The following NIBAN1 variants were observed in gnomAD, a reference collection of about 807,000 sequenced individuals.
NIBAN1 encodes the protein protein Niban 1.
Under a neutral mutation model 75.1 loss-of-function variants are expected in NIBAN1, and 81 were observed. The observed-to-expected ratio is 1.08, with a 90% CI of 0.90 to 1.30. NIBAN1 has a LOEUF of 1.30. Ranked by LOEUF, NIBAN1 falls within the 50% of genes most tolerant of loss-of-function variation. The pLI, the probability that NIBAN1 is intolerant of heterozygous loss-of-function variation, is 0.00. For synonymous variants in NIBAN1, 436 were observed against 424.8 expected (o/e 1.03, Z -0.32); for missense variants, 1,133 against 1,128.1 (o/e 1.00, Z -0.06).
At chr1:184,821,147 CTTT>C (rs1384036506) in intron 8 of NIBAN1, among the ~76,000 whole-genome samples, 1 of 152,154 alleles carries the variant, frequency 6.6e-6, no homozygotes, top group Non-Finnish European at 1.5e-5. Flanking sequence ...ACGTTGTCTT[CTTT>C]GAGTCATTCC....
intron 1 of NIBAN1, among the ~76,000 whole-genome samples, chr1:184,967,474 T>C (rs957284385): frequency 1.1e-4 from 16 of 152,304 alleles, no homozygotes; most frequent in African/African-American, 3.4e-4. Flanking sequence ...TTCACTGCCA[T>C]GATTCACACT....
chr1:184,930,738 A>G (rs1657796656), intron 1 of NIBAN1, among the ~76,000 whole-genome samples: 1 of 152,200 alleles, frequency 6.6e-6, no homozygotes, highest in African/African-American at 2.4e-5. Flanking sequence ...AACTTGGAAA[A>G]CAGAGCTTAA....
chr1:184,912,338 G>A (rs1398649354), intron 1 of NIBAN1, among the ~76,000 whole-genome samples: 1 of 151,994 alleles, frequency 6.6e-6, no homozygotes, highest in Non-Finnish European at 1.5e-5. Flanking sequence ...GAATCTCCTG[G>A]TGCATATATA....
intron 1 of NIBAN1, among the ~76,000 whole-genome samples, chr1:184,905,865 A>C (rs934717029): frequency 2.0e-5 from 3 of 152,220 alleles, no homozygotes. Context: ...ATTACAATGC[A>C]TTCTATCAAC....
chr1:184,856,130 T>C (rs924276745), intron 5 of NIBAN1, among the ~76,000 whole-genome samples: 7 of 152,158 alleles, frequency 4.6e-5, no homozygotes, highest in Admixed American at 2.0e-4. Context: ...AATCCACAAG[T>C]CTAGAATGTT....
At chr1:184,968,794 GTTTCTTTC>G (rs36197487) in intron 1 of NIBAN1, among the ~76,000 whole-genome samples, 21 of 151,158 alleles carry the variant, frequency 1.4e-4, no homozygotes, top group South Asian at 6.3e-4. Flanking sequence ...AGAGATGGAA[GTTTCTTTC>G]TTTCTTTCTT....
At chr1:184,903,518 G>A (rs1571561087) in intron 1 of NIBAN1, among the ~76,000 whole-genome samples, 1 of 152,204 alleles carries the variant, frequency 6.6e-6, no homozygotes, top group South Asian at 2.1e-4. Flanking sequence ...TGGGATAGGT[G>A]TGTTCTTGTT....
At chr1:184,931,951 T>C (rs1168033251) in intron 1 of NIBAN1, among the ~76,000 whole-genome samples, 2 of 152,240 alleles carry the variant, frequency 1.3e-5, no homozygotes, top group Non-Finnish European at 2.9e-5. Flanking sequence ...ACCCTCTCCA[T>C]GTTCTCCCTT....
chr1:184,971,399 C>T (rs913471599), intron 1 of NIBAN1, among the ~76,000 whole-genome samples: 10 of 148,074 alleles, frequency 6.8e-5, no homozygotes, highest in East Asian at 2.1e-4. Context: ...TGGCTGGGCA[C>T]GGTATCTCAT....
chr1:184,869,536 T>A (rs1656043060), intron 5 of NIBAN1, among the ~76,000 whole-genome samples: 1 of 151,714 alleles, frequency 6.6e-6, no homozygotes, highest in Non-Finnish European at 1.5e-5. Flanking sequence ...TACTTTTATT[T>A]GCATTCACTA....
At chr1:184,971,694 G>A (rs72739664) in intron 1 of NIBAN1, among the ~76,000 whole-genome samples, 6,254 of 152,152 alleles carry the variant, frequency 0.041, 192 homozygotes, top group Middle Eastern at 0.085. Context: ...TTTTAGGTCA[G>A]TGCTAAAAGC....
At chr1:184,927,631 A>G (rs968972079) in intron 1 of NIBAN1, among the ~76,000 whole-genome samples, 6 of 152,104 alleles carry the variant, frequency 3.9e-5, no homozygotes, top group African/African-American at 1.4e-4. Context: ...GGACTCACCC[A>G]AGGCCTGTGA....
chr1:184,913,459 A>T (rs1157270699), intron 1 of NIBAN1, among the ~76,000 whole-genome samples: 1 of 152,030 alleles, frequency 6.6e-6, no homozygotes, highest in East Asian at 1.9e-4. Context: ...GAGCTCATGC[A>T]CTCCATTGAA....
At chr1:184,819,965 A>C (rs1255242554) in intron 8 of NIBAN1, among the ~76,000 whole-genome samples, 2 of 152,220 alleles carry the variant, frequency 1.3e-5, no homozygotes, top group African/African-American at 2.4e-5. Context: ...GCAGGACCAG[A>C]TCATGGCCTC....
Position 184,805,936 on chromosome 1 carries a change from A to G in NIBAN1, c.1446+10T>C. ...TTTTATGCTTCCCACAAACAAGAGA[A>G]CGGTTTTACCTTTAAGACTCGGAGT... On this transcript the variant is annotated intron_variant, in intron 11 of 13. Transcript: ENST00000367511. The G allele has an allele frequency of 1.2e-6, 2 of 1,606,968 alleles. No homozygotes were observed. The highest frequency in any genetic ancestry group is 1.1e-5 in the South Asian group (1 of 90,946).
chr1:184,811,316 C>T (rs1236774795), intron 9 of NIBAN1, among the ~76,000 whole-genome samples: 1 of 152,008 alleles, frequency 6.6e-6, no homozygotes, highest in African/African-American at 2.4e-5. Context: ...GTTAAGAGAA[C>T]CTGGGAGTAA....
intron 1 of NIBAN1, among the ~76,000 whole-genome samples, chr1:184,943,230 T>C (rs1444955091): frequency 2.0e-5 from 3 of 152,188 alleles, no homozygotes; most frequent in African/African-American, 7.2e-5. Context: ...GTTACAAAAT[T>C]TGATCAGAAT....
intron 9 of NIBAN1, among the ~76,000 whole-genome samples, chr1:184,810,423 A>C (rs1427490716): frequency 2.0e-5 from 3 of 152,164 alleles, no homozygotes; most frequent in Admixed American, 2.0e-4. Flanking sequence ...TGGTCTGGGG[A>C]CCATACTTTC....
At chr1:184,882,665 T>C (rs1656406363) in intron 5 of NIBAN1, among the ~76,000 whole-genome samples, 1 of 152,020 alleles carries the variant, frequency 6.6e-6, no homozygotes, top group African/African-American at 2.4e-5. Flanking sequence ...CTACATAACA[T>C]CCAAAAACTC....
Sources: gnomAD v4.1 joint callset for allele counts (sites outside exome capture counted in the v4.1 genomes callset) on GRCh38, gnomAD v4.1.1 for gene constraint, MANE v1.5 for transcripts, NCBI Gene and HGNC (gene_info 2026-07-23, HGNC 2026-07-21) for gene names.